LAMA2: variants seen among roughly 807,000 people sequenced by gnomAD.
The protein encoded by LAMA2 is laminin subunit alpha-2.
LAMA2 carries 269 observed loss-of-function variants against 364.8 expected under a neutral mutation model. The ratio of observed to expected loss-of-function variants is 0.74; its 90% CI spans 0.67 to 0.82. LAMA2 has a LOEUF of 0.82. Among genes scored for constraint, LAMA2 ranks in the 40% least tolerant of loss-of-function variants. The pLI is 0.00. For synonymous variants in LAMA2, 1,379 were observed against 1,370.6 expected (o/e 1.01, Z -0.14); for missense variants, 3,807 against 3,873.2 (o/e 0.98, Z 0.45).
intron 28 of LAMA2, among the ~76,000 whole-genome samples, chr6:129,325,784 C>T (rs939971721): frequency 2.0e-5 from 3 of 152,090 alleles, no homozygotes; most frequent in African/African-American, 4.8e-5. Flanking sequence ...AACATAAAAT[C>T]AAGGCTTCCC....
intron 32 of LAMA2, among the ~76,000 whole-genome samples, chr6:129,365,535 G>T (rs1467328741): frequency 1.3e-5 from 2 of 151,876 alleles, no homozygotes; most frequent in African/African-American, 4.8e-5. Context: ...GCTAATTTTT[G>T]TATTTTTAGT....
chr6:129,200,277 TATATATACGTGTAC>T (rs1782154768), intron 12 of LAMA2, among the ~76,000 whole-genome samples: 1 of 136,984 alleles, frequency 7.3e-6, no homozygotes, highest in Non-Finnish European at 1.5e-5. Context: ...TACATGTGTA[TATATATACGTGTAC>T]ACATATACAT....
intron 10 of LAMA2, 45 bp from the exon 11 acceptor site, chr6:129,190,160 A>T (rs1412012351): frequency 6.2e-7 from 1 of 1,601,076 alleles, no homozygotes; most frequent in South Asian, 1.1e-5. Flanking sequence ...GCAGCTCATA[A>T]TGTTGAAGGA....
chr6:129,436,644 G>A (rs1218595807), intron 41 of LAMA2, among the ~76,000 whole-genome samples: 1 of 151,938 alleles, frequency 6.6e-6, no homozygotes, highest in Non-Finnish European at 1.5e-5. Flanking sequence ...TTATTAACTT[G>A]CTCTTCAAAC....
At position 128,883,257 on chromosome 6, in the gene LAMA2, C is replaced by T; in HGVS notation, c.12C>T (p.Ala4=). Residue 4 remains alanine (A), a synonymous_variant, in exon 1 of 65, where the codon GCC becomes GCT. Transcript: ENST00000421865. The part of the protein sequence containing the change: MPG[A]AGVLLLLLLS... Reference sequence around the variant, plus strand: ...TCGCGGCCACTACGATGCCGGGAGCCGCCGGGGTCCTCCTCCTTCTGCTGC... The same window carrying T: ...TCGCGGCCACTACGATGCCGGGAGCTGCCGGGGTCCTCCTCCTTCTGCTGC... 1 of 1,555,422 alleles carries T rather than the reference C, an allele frequency of 6.4e-7. No individual in the cohort carries two copies. Among genetic ancestry groups the T allele is most frequent in the Non-Finnish European group, 8.7e-7 (1 of 1,150,134 alleles).
chr6:129,442,204 T>C (rs773547532), intron 43 of LAMA2: 1 of 1,321,060 alleles, frequency 7.6e-7, no homozygotes, highest in Admixed American at 2.2e-5. Flanking sequence ...TGGAGCCTGA[T>C]TTCAGCATCC....
chr6:129,046,492 A>G (rs1373458194), intron 1 of LAMA2, among the ~76,000 whole-genome samples: 1 of 152,178 alleles, frequency 6.6e-6, no homozygotes, highest in Non-Finnish European at 1.5e-5. Context: ...ATTTACTATC[A>G]CGAGAACAGC....
chr6:129,478,284 T>TCTAA (rs1554304780), intron 53 of LAMA2, among the ~76,000 whole-genome samples: 1 of 150,250 alleles, frequency 6.7e-6, no homozygotes, highest in Non-Finnish European at 1.5e-5. Context: ...GATTTTTTTT[T>TCTAA]CTAACTTTTG....
intron 3 of LAMA2, among the ~76,000 whole-genome samples, chr6:129,082,346 G>A (rs1256630003): frequency 1.3e-5 from 2 of 151,954 alleles, no homozygotes; most frequent in Non-Finnish European, 2.9e-5. Flanking sequence ...TAATATTACA[G>A]ATGTTATTCC....
intron 1 of LAMA2, among the ~76,000 whole-genome samples, chr6:128,947,829 T>G (rs1255432489): frequency 6.6e-6 from 1 of 151,992 alleles, no homozygotes; most frequent in African/African-American, 2.4e-5. Context: ...GGGAGAGGCT[T>G]AAGTATCATT....
chr6:129,076,496 TA>T (rs1773656482), intron 3 of LAMA2, among the ~76,000 whole-genome samples: 1 of 12,018 alleles, frequency 8.3e-5, no homozygotes, highest in Non-Finnish European at 2.7e-4. Flanking sequence ...ATATATTATA[TA>T]TAAATATATA....
At chr6:129,395,755 C>T (rs540981804) in intron 37 of LAMA2, among the ~76,000 whole-genome samples, 1 of 152,296 alleles carries the variant, frequency 6.6e-6, no homozygotes, top group African/African-American at 2.4e-5. Context: ...TGTAGAGGCC[C>T]TGACACTTGT....
At position 129,035,388 on chromosome 6, in the gene LAMA2, T is replaced by C. The variant is rs183620747; in HGVS notation, c.113-14530T>C. ...TTTTTTTCTTGTTGATTTAAGTTTC[T>C]TATAGTTTCTGGATATTAGTCATTT... On this transcript the variant is annotated intron_variant, in intron 1 of 64. Coordinates refer to ENST00000421865, the MANE Select transcript of LAMA2 (RefSeq NM_000426.4). Among the ~76,000 whole-genome samples, 282 of 151,814 alleles carry C rather than the reference T, an allele frequency of 1.9e-3. 2 individuals are homozygous for C. Among genetic ancestry groups the C allele is most frequent in the African/African-American group, 6.2e-3 (259 of 41,510 alleles).
chr6:128,941,740 A>C (rs977611046), intron 1 of LAMA2, among the ~76,000 whole-genome samples: 1 of 152,202 alleles, frequency 6.6e-6, no homozygotes, highest in Admixed American at 6.5e-5. Flanking sequence ...CATTAACAAG[A>C]TACACCATTA....
chr6:129,401,217 T>G lies in LAMA2; in HGVS notation c.5446-7T>G, dbSNP rs1051828506. 7 of 1,522,622 alleles carry G rather than the reference T, an allele frequency of 4.6e-6. No homozygotes were observed. In the African/African-American group the frequency reaches 9.7e-5, roughly 21 times the overall value. The allele number at this position is 1,522,622 out of a possible 1,614,324, so 94.3% of individuals were successfully genotyped here. ...AATTTTGATGTCTTGTTCATAATGGTCTACAGAAAAAGAAGGAGGCTGTTG... is the reference window on the plus strand; with the variant it reads ...AATTTTGATGTCTTGTTCATAATGGGCTACAGAAAAAGAAGGAGGCTGTTG... On this transcript the variant is annotated splice_region_variant and splice_polypyrimidine_tract_variant and intron_variant, in intron 37 of 64. Coordinates refer to ENST00000421865, the MANE Select transcript of LAMA2 (RefSeq NM_000426.4).
chr6:128,941,747 A>G (rs1055300514), intron 1 of LAMA2, among the ~76,000 whole-genome samples: 1 of 152,212 alleles, frequency 6.6e-6, no homozygotes, highest in Admixed American at 6.5e-5. Flanking sequence ...AAGATACACC[A>G]TTAAATATAT....
rs200290155 is a variant in LAMA2 at position 129,305,325 on chromosome 6, C to CTT, written c.3174+4464_3174+4465dup. On this transcript the variant is annotated intron_variant, in intron 22 of 64. Transcript: ENST00000421865. ...CCCTTTTTAGTATTTTAATGTGTGC[C>CTT]TTTTTTTTTTTTATTCTGAGACAGG... Among the ~76,000 whole-genome samples, 76 of 145,090 alleles carry CTT rather than the reference C, an allele frequency of 5.2e-4. 1 individual carries two copies. In the East Asian group the frequency reaches 5.6e-3, roughly 11 times the overall value.
chr6:128,949,389 A>G (rs1039895998), intron 1 of LAMA2, among the ~76,000 whole-genome samples: 1 of 152,196 alleles, frequency 6.6e-6, no homozygotes, highest in African/African-American at 2.4e-5. Flanking sequence ...GTGAGGTGGA[A>G]GGAAGACTAT....
chr6:129,137,595 G>A (rs1043083212), intron 4 of LAMA2, among the ~76,000 whole-genome samples: 1 of 151,836 alleles, frequency 6.6e-6, no homozygotes, highest in Non-Finnish European at 1.5e-5. Context: ...AATTTATGAT[G>A]AACAGTCAAT....
Sources: allele counts gnomAD v4.1 joint callset (sites outside exome capture counted in the v4.1 genomes callset), GRCh38; gene constraint gnomAD v4.1.1; transcripts MANE v1.5; gene names NCBI Gene and HGNC (gene_info 2026-07-23, HGNC 2026-07-21).